LZTR1: variants seen among roughly 807,000 people sequenced by gnomAD.
The protein encoded by LZTR1 is leucine-zipper-like transcriptional regulator 1.
In LZTR1, 260 loss-of-function variants were observed where a neutral mutation model predicts 105.7. The ratio of observed to expected loss-of-function variants is 2.46; its 90% CI spans 2.22 to 2.72. The LOEUF (loss-of-function observed/expected upper bound fraction) is 2.72. LZTR1 is among the 30% of genes most tolerant of loss of function. The pLI is 0.00. For missense variants in LZTR1, 1,214 were observed against 1,166.9 expected (o/e 1.04, Z -0.59); for synonymous variants, 490 against 476.4 (o/e 1.03, Z -0.37).
chr22:20,995,325 C>A lies in LZTR1; in HGVS notation c.1942+299C>A, dbSNP rs748333783. 3 of 643,150 alleles carry A rather than the reference C, an allele frequency of 4.7e-6. No homozygotes were observed. In the Admixed American group the frequency reaches 6.3e-5, roughly 14 times the overall value. 39.8% of individuals were successfully genotyped at this position (643,150 alleles called of 1,614,324 possible). A position where few individuals can be genotyped will look rare whatever the true frequency, so the allele number is the denominator to read the frequency against. ...TGTCAGGTCTGATGGCCCAGGGTCA[C>A]GGTGATCAGTCTCTGGACTTCTCTT... On this transcript the variant is annotated intron_variant, in intron 16 of 20. Coordinates refer to ENST00000646124, the MANE Select transcript of LZTR1 (RefSeq NM_006767.4).
intron 16 of LZTR1, chr22:20,995,469 G>C: frequency 1.5e-6 from 1 of 658,992 alleles, no homozygotes; most frequent in Non-Finnish European, 2.9e-6. Context: ...GGGCCTGGAG[G>C]GGGCTTGATC....
At position 20,987,401 on chromosome 22, in the gene LZTR1, A is replaced by AG. The variant is rs1367314823; in HGVS notation, c.321-103_321-102insG. 3.9e-5 allele frequency: 26 copies of AG among 670,430 alleles called. No homozygotes were observed. The African/African-American group carries it at 4.6e-4, about 12-fold the overall frequency. 41.5% of individuals were successfully genotyped at this position (670,430 alleles called of 1,614,324 possible). A position where few individuals can be genotyped will look rare whatever the true frequency, so the allele number is the denominator to read the frequency against. On this transcript the variant is annotated intron_variant, in intron 3 of 20. Coordinates refer to ENST00000646124, the MANE Select transcript of LZTR1 (RefSeq NM_006767.4). ...GAGACTCCGTCTCAAAAAAAAAAAA[A>AG]AAGAAAAAAGAAAGGCAGCACAGGG...
intron 2 of LZTR1, among the ~76,000 whole-genome samples, chr22:20,984,592 C>T (rs547082790): frequency 8.7e-5 from 11 of 126,398 alleles, no homozygotes; most frequent in South Asian, 2.8e-4. Flanking sequence ...TGGCCTCCTG[C>T]GGCACGTGGG....
Position 20,994,284 on chromosome 22 carries a change from G to C in LZTR1, c.1615+15G>C, listed in dbSNP as rs781459085. 2 of 1,595,578 alleles carry C rather than the reference G, an allele frequency of 1.3e-6. No individual in the cohort carries two copies. Among genetic ancestry groups the C allele is most frequent in the African/African-American group, 2.7e-5 (2 of 74,898 alleles). ...CCCACGGAAAGGTCCGCCTGGGTGG[G>C]GGTGGAGCAGGGTTGGTGTGGGCTG... On this transcript the variant is annotated intron_variant, in intron 14 of 20. Coordinates refer to ENST00000646124, the MANE Select transcript of LZTR1 (RefSeq NM_006767.4).
rs1274091924 is a variant in LZTR1, at chr22:20,982,996, TCCTTACCGCCCTCCA to T, written c.201-29_201-15del. On this transcript the variant is annotated splice_polypyrimidine_tract_variant and intron_variant, in intron 1 of 20. Transcript: ENST00000646124. Reference sequence around the variant, plus strand: ...TTGGGTGCCCCCCAGGAGGGTCCTGTCCTTACCGCCCTCCACTCCTTTCTTTCCAGGCGCAGCAAG... The same window carrying T: ...TTGGGTGCCCCCCAGGAGGGTCCTGTCTCCTTTCTTTCCAGGCGCAGCAAG... 6.2e-7 allele frequency: 1 copy of T among 1,607,770 alleles called. No individual in the cohort carries two copies. The highest frequency in any genetic ancestry group is 1.3e-5 in the African/African-American group (1 of 74,772).
At chr22:20,987,822 T>C (rs1442581287) in intron 4 of LZTR1, among the ~76,000 whole-genome samples, 188 bp from the exon 5 acceptor site, 1 of 152,228 alleles carries the variant, frequency 6.6e-6, no homozygotes, top group Non-Finnish European at 1.5e-5. Context: ...CTGGGAACAG[T>C]GTCCTGCTCA....
chr22:20,995,242 T>C, intron 16 of LZTR1: 1 of 699,928 alleles, frequency 1.4e-6, no homozygotes, highest in Non-Finnish European at 2.6e-6. Context: ...CCTGGTGACC[T>C]GGGATTTCCT....
At position 20,995,777 on chromosome 22, in the gene LZTR1, C is replaced by T. The variant is rs939793375; in HGVS notation, c.1974C>T (p.Tyr658=). 64 of 1,613,572 alleles carry T rather than the reference C, an allele frequency of 4.0e-5. No individual in the cohort carries two copies. The highest frequency in any genetic ancestry group is 5.3e-5 in the Non-Finnish European group (63 of 1,180,022). The change falls in exon 17 of 21, where the codon TAC becomes TAT. Residue 658 remains tyrosine (Y), a synonymous_variant. Coordinates refer to ENST00000646124, the MANE Select transcript of LZTR1 (RefSeq NM_006767.4). ...CTCTGATCCAGGACATGAAGGCATA[C>T]CTGGAGGGAGCGGGCGCGGAATTCT... ...GTSLIQDMKA[Y]LEGAGAEFCD...
Position 20,991,791 on chromosome 22 carries a change from C to T in LZTR1, c.955C>T (p.Gln319Ter), listed in dbSNP as rs1924617179. ...GCTGCACTGCTATGACGTGGACTTCCAGACCTGGGAGGTCGTCCAGCCCAG... is the reference window on the plus strand; with the variant it reads ...GCTGCACTGCTATGACGTGGACTTCTAGACCTGGGAGGTCGTCCAGCCCAG... ...NELHCYDVDF[Q>*]TWEVVQPSSD... The change falls in exon 9 of 21, where the codon CAG becomes TAG. Residue 319 changes from glutamine (Q) to a stop codon, truncating the protein, a stop_gained. Transcript: ENST00000646124. LOFTEE classifies it high-confidence loss of function. 4 of 1,552,516 alleles carry T rather than the reference C, an allele frequency of 2.6e-6. No homozygotes were observed. The highest frequency in any genetic ancestry group is 2.4e-5 in the East Asian group (1 of 41,154).
In LZTR1 at chr22:20,994,712, G is replaced by A. The variant is rs1248020734; in HGVS notation, c.1770G>A (p.Gln590=). The A allele has an allele frequency of 6.2e-7, 1 of 1,611,904 alleles. No homozygotes were observed. Among genetic ancestry groups the A allele is most frequent in the Non-Finnish European group, 8.5e-7 (1 of 1,179,972 alleles). Reference sequence around the variant, plus strand: ...TGTGCGAGAGTGCCGCCCGGCTGCAGCTGAGCCAACTCAAGGTGTGGGGTG... The same window carrying A: ...TGTGCGAGAGTGCCGCCCGGCTGCAACTGAGCCAACTCAAGGTGTGGGGTG... ...LVVCESAARL[Q]LSQLKEHCLN... Residue 590 remains glutamine (Q), a synonymous_variant, in exon 15 of 21, where the codon CAG becomes CAA. Transcript: ENST00000646124.
chr22:20,992,545 G>A, intron 10 of LZTR1, 176 bp downstream of exon 10: 1 of 778,712 alleles, frequency 1.3e-6, no homozygotes, highest in South Asian at 1.8e-5. Context: ...GCTTTCTGGG[G>A]TGGGTGCCAC....
chr22:20,991,496 C>G, intron 8 of LZTR1, 132 bp from the exon 9 acceptor site: 2 of 712,904 alleles, frequency 2.8e-6, no homozygotes, highest in South Asian at 3.6e-5. Context: ...TGTCTAGGCC[C>G]TCCCTCTGGA....
At chr22:20,987,686 G>A (rs377215644) in intron 4 of LZTR1, 103 bp downstream of exon 4, 3 of 1,048,542 alleles carry the variant, frequency 2.9e-6, no homozygotes, top group East Asian at 4.8e-5. Context: ...GTGTACAGCA[G>A]GGGCTCTCTC....
chr22:20,991,388 GGA>G, intron 8 of LZTR1: 1 of 556,558 alleles, frequency 1.8e-6, no homozygotes, highest in Non-Finnish European at 3.2e-6. Flanking sequence ...TGCTCCATGG[GGA>G]GAGGGGGGAG....
chr22:20,982,708 C>A (rs1924241442), intron 1 of LZTR1, 137 bp downstream of exon 1: 2 of 853,784 alleles, frequency 2.3e-6, no homozygotes, highest in Non-Finnish European at 3.7e-6. Context: ...GTACAGGACG[C>A]TGTTCAGGGC....
intron 2 of LZTR1, among the ~76,000 whole-genome samples, chr22:20,985,247 A>G (rs995717077): frequency 3.3e-5 from 5 of 151,164 alleles, no homozygotes; most frequent in African/African-American, 1.2e-4. Context: ...TTTAGTAGAG[A>G]TGGGGTTTCA....
rs374685632 is a variant in LZTR1, at chr22:20,987,528, G to C, written c.345G>C (p.Pro115=). 3.1e-6 allele frequency: 5 copies of C among 1,613,832 alleles called. No individual in the cohort carries two copies. Among genetic ancestry groups the C allele is most frequent in the Non-Finnish European group, 3.4e-6 (4 of 1,179,918 alleles). ...WCRAFTTGTP[P]APRYHHSAVV... is the part of the protein sequence containing the mutation. The stretch of plus-strand genomic sequence containing the variant: ...GGGCCTTTACCACTGGGACCCCACC[G>C]GCCCCCCGTTACCACCACTCGGCCG... Residue 115 remains proline, a synonymous_variant, in exon 4 of 21, where the codon CCG becomes CCC. Transcript: ENST00000646124.
chr22:20,984,697 C>T (rs1924316672), intron 2 of LZTR1, among the ~76,000 whole-genome samples: 1 of 151,894 alleles, frequency 6.6e-6, no homozygotes, highest in African/African-American at 2.4e-5. Flanking sequence ...AGCCTTTGAG[C>T]CACTAGGCTT....
intron 14 of LZTR1, 77 bp downstream of exon 14, chr22:20,994,346 A>C (rs751974801): frequency 5.3e-6 from 8 of 1,496,488 alleles, no homozygotes; most frequent in African/African-American, 4.1e-5. Context: ...GGGTGCTGCC[A>C]GCCCTGCCTT....
Sources: allele counts gnomAD v4.1 joint callset (sites outside exome capture counted in the v4.1 genomes callset), GRCh38; gene constraint gnomAD v4.1.1; transcripts MANE v1.5; gene names NCBI Gene and HGNC (gene_info 2026-07-23, HGNC 2026-07-21).